Variants in KMT2C observed in about 807,000 individuals in gnomAD.
KMT2C encodes the protein lysine methyltransferase 2C.
Under a neutral mutation model 507.9 loss-of-function variants are expected in KMT2C, and 88 were observed. The ratio of observed to expected loss-of-function variants is 0.17; its 90% CI spans 0.15 to 0.21. The LOEUF is 0.21. Ranked by LOEUF, KMT2C falls within the 10% of genes least tolerant of loss-of-function variation. KMT2C has a pLI of 1.00. For synonymous variants in KMT2C, 2,049 were observed against 2,080.8 expected, an observed-to-expected ratio of 0.98 and a Z score of 0.42; for missense variants, 4,954 against 5,957.8, an observed-to-expected ratio of 0.83 and a Z score of 5.55.
chr7:152,315,409 T>C (rs745641037), intron 3 of KMT2C, 71 bp from the exon 4 acceptor site: 44 of 1,053,882 alleles, frequency 4.2e-5, no homozygotes, highest in Non-Finnish European at 5.5e-5. Flanking sequence ...GCGATAACTA[T>C]AGATACTTGT....
intron 5 of KMT2C, among the ~76,000 whole-genome samples, chr7:152,311,116 GTA>G (rs1228285621): frequency 6.6e-6 from 1 of 152,100 alleles, no homozygotes; most frequent in African/African-American, 2.4e-5. Context: ...TATTATATAT[GTA>G]TTTGATATGT....
Position 152,136,447 on chromosome 7 carries a change from G to C in KMT2C, c.*385C>G, listed in dbSNP as rs904316525. On this transcript the variant is annotated 3_prime_UTR_variant, in exon 59 of 59. Coordinates refer to ENST00000262189, the MANE Select transcript of KMT2C (RefSeq NM_170606.3). ...CATTCATAGGAAGGCCCCTGCCCGGGGCAGGGCAGCCATCGGCTCTTTGCC... is the reference window on the plus strand; with the variant it reads ...CATTCATAGGAAGGCCCCTGCCCGGCGCAGGGCAGCCATCGGCTCTTTGCC... The C allele has an allele frequency of 7.9e-6, 2 of 252,690 alleles. No individual in the cohort carries two copies. The highest frequency in any genetic ancestry group is 1.5e-5 in the Non-Finnish European group (2 of 130,672). 15.7% of individuals were successfully genotyped at this position (252,690 alleles called of 1,614,324 possible). A position where few individuals can be genotyped will look rare whatever the true frequency, so the allele number is the denominator to read the frequency against.
chr7:152,348,599 T>TAAAA (rs201530125), intron 2 of KMT2C, among the ~76,000 whole-genome samples: 555 of 48,254 alleles, frequency 0.012, 1 homozygote, highest in Non-Finnish European at 0.02. Context: ...AACTCTGTCT[T>TAAAA]AAAAAAAAAA....
At position 152,253,514 on chromosome 7, in the gene KMT2C, C is replaced by CAAAAAA. The variant is rs71198770; in HGVS notation, c.1300-805_1300-800dup. ...AGAAGGCAAAACACCTCTTTCTCTACAAAAAAAAAAAAAAAAAAAAAAAAA... is the reference window on the plus strand; with the variant it reads ...AGAAGGCAAAACACCTCTTTCTCTACAAAAAAAAAAAAAAAAAAAAAAAAAAAAAAA... On this transcript the variant is annotated intron_variant, in intron 9 of 58. Transcript: ENST00000262189. Among the ~76,000 whole-genome samples, 165 of 39,494 alleles carry CAAAAAA rather than the reference C, an allele frequency of 4.2e-3. 7 individuals carry two copies. The highest frequency in any genetic ancestry group is 0.012 in the African/African-American group (155 of 12,812). The allele number at this position is 39,494 out of a possible 152,430, so 25.9% of individuals were successfully genotyped here.
At position 152,181,445 on chromosome 7, in the gene KMT2C, G is replaced by A. The variant is rs1396109953; in HGVS notation, c.6415C>T (p.Arg2139Ter). 2 of 1,614,052 alleles carry A rather than the reference G, an allele frequency of 1.2e-6. No individual in the cohort carries two copies. Among genetic ancestry groups the A allele is most frequent in the Non-Finnish European group, 1.7e-6 (2 of 1,179,994 alleles). Residue 2139 changes from arginine to a stop codon, truncating the protein, a stop_gained, in exon 36 of 59, where the codon CGA becomes TGA. Transcript: ENST00000262189. LOFTEE classifies it high-confidence loss of function. ...DPYSQPPGTP[R>*]PVVDSYSQSS... ...TGGGAATAAGAATCTACAACAGGTC[G>A]TGGAGTTCCTGGGGGTTGGGAGTAT...
intron 6 of KMT2C, among the ~76,000 whole-genome samples, chr7:152,275,022 C>T (rs1309113634): frequency 6.6e-6 from 1 of 152,154 alleles, no homozygotes; most frequent in African/African-American, 2.4e-5. Flanking sequence ...TTGGACCCTG[C>T]TAACATTACT....
intron 23 of KMT2C, among the ~76,000 whole-genome samples, chr7:152,213,187 GCATTTTTCACAA>G (rs1265309529): frequency 2.6e-5 from 4 of 152,054 alleles, no homozygotes; most frequent in Non-Finnish European, 5.9e-5. Flanking sequence ...ATTTCCAAAG[GCATTTTTCACAA>G]AAATAGAAAA....
At chr7:152,434,442 G>C (rs1459172124) in intron 1 of KMT2C, among the ~76,000 whole-genome samples, 1 of 152,116 alleles carries the variant, frequency 6.6e-6, no homozygotes, top group Non-Finnish European at 1.5e-5. Context: ...CTCAGTTCAC[G>C]CTACTATTTT....
chr7:152,270,910 T>C (rs957339375), intron 7 of KMT2C, among the ~76,000 whole-genome samples: 2 of 152,208 alleles, frequency 1.3e-5, no homozygotes, highest in African/African-American at 2.4e-5. Flanking sequence ...ATGAGATGCA[T>C]GCTTTTGTTA....
At chr7:152,258,642 G>A (rs375405368) in intron 9 of KMT2C, among the ~76,000 whole-genome samples, 2 of 151,784 alleles carry the variant, frequency 1.3e-5, no homozygotes, top group African/African-American at 4.8e-5. Context: ...CTCCTGTCTC[G>A]GCATCCTGAG....
intron 33 of KMT2C, among the ~76,000 whole-genome samples, chr7:152,186,378 C>T (rs757644673): frequency 6.6e-6 from 1 of 152,252 alleles, no homozygotes; most frequent in East Asian, 1.9e-4. Flanking sequence ...TACCCATGTA[C>T]GTTCATAAAC....
At position 152,367,456 on chromosome 7, in the gene KMT2C, A is replaced by T. The variant is rs182641763; in HGVS notation, c.162-8781T>A. On this transcript the variant is annotated intron_variant, in intron 1 of 58. Coordinates refer to ENST00000262189, the MANE Select transcript of KMT2C (RefSeq NM_170606.3). ...TGGTCTGGAACTCCTGAGCTCAAAC[A>T]ATCTACCCACCTCGGCCTCCCAAAG... 937 of 758,786 alleles carry T rather than the reference A, an allele frequency of 1.2e-3. 3 individuals are homozygous for T. Among genetic ancestry groups the T allele is most frequent in the Non-Finnish European group, 1.6e-3 (722 of 439,322 alleles). 47.0% of individuals were successfully genotyped at this position (758,786 alleles called of 1,614,324 possible). A position where few individuals can be genotyped will look rare whatever the true frequency, so the allele number is the denominator to read the frequency against.
At chr7:152,190,024 A>G (rs997158540) in intron 31 of KMT2C, among the ~76,000 whole-genome samples, 3 of 152,124 alleles carry the variant, frequency 2.0e-5, no homozygotes, top group Non-Finnish European at 4.4e-5. Context: ...TTCTCATAGA[A>G]GCGCAAACCC....
At chr7:152,339,692 C>T (rs1290859769) in intron 2 of KMT2C, among the ~76,000 whole-genome samples, 1 of 152,106 alleles carries the variant, frequency 6.6e-6, no homozygotes, top group Non-Finnish European at 1.5e-5. Flanking sequence ...GTGCCATTCA[C>T]AGGAGACCAC....
intron 31 of KMT2C, among the ~76,000 whole-genome samples, chr7:152,191,890 CTTAGTGATT>C (rs2093805600): frequency 6.6e-6 from 1 of 152,126 alleles, no homozygotes; most frequent in African/African-American, 2.4e-5. Context: ...ACAATGAAAT[CTTAGTGATT>C]CACAAGGCTG....
intron 23 of KMT2C, among the ~76,000 whole-genome samples, chr7:152,208,846 A>G (rs2094377905): frequency 6.6e-6 from 1 of 152,224 alleles, no homozygotes; most frequent in Non-Finnish European, 1.5e-5. Flanking sequence ...GATAATGGCT[A>G]TCGGCTTATG....
intron 2 of KMT2C, among the ~76,000 whole-genome samples, chr7:152,353,580 TG>T (rs1437141129): frequency 6.6e-6 from 1 of 152,078 alleles, no homozygotes; most frequent in African/African-American, 2.4e-5. Context: ...TCACTGCAAC[TG>T]GTGTCTCCCG....
intron 16 of KMT2C, among the ~76,000 whole-genome samples, chr7:152,232,728 TAGAG>T (rs1485895692): frequency 6.6e-6 from 1 of 152,164 alleles, no homozygotes; most frequent in Non-Finnish European, 1.5e-5. Context: ...TCTAAGATTT[TAGAG>T]AATCATCCAA....
In KMT2C at chr7:152,195,981, G is replaced by A; in HGVS notation, c.4304C>T (p.Ser1435Phe). 6.2e-7 allele frequency: 1 copy of A among 1,608,782 alleles called. No homozygotes were observed. The highest frequency in any genetic ancestry group is 8.5e-7 in the Non-Finnish European group (1 of 1,176,312). ...GPADDPLADI[S>F]EVLNTDDDIL... ...GTCATCATCTGTGTTTAAAACTTCA[G>A]AAATATCAGCTAATGGGTCATCAGC... The change falls in exon 28 of 59, where the codon TCT becomes TTT. Residue 1435 changes from serine to phenylalanine, a missense_variant. Around this residue, in one of 29 missense-constraint regions of KMT2C, gnomAD observed 140 missense variants for 118.4 expected, o/e 1.18. Transcript: ENST00000262189.
Sources: allele counts gnomAD v4.1 joint callset (sites outside exome capture counted in the v4.1 genomes callset), GRCh38; gene constraint gnomAD v4.1.1; regional missense constraint gnomAD v4.1.1; transcripts MANE v1.5; gene names NCBI Gene and HGNC (gene_info 2026-07-23, HGNC 2026-07-21).